Variants in PDS5B observed in about 807,000 individuals in gnomAD.
PDS5B encodes PDS5 cohesin associated factor B.
In PDS5B, 51 loss-of-function variants were observed where a neutral mutation model predicts 184.1. The observed-to-expected ratio is 0.28, with a 90% confidence interval of 0.22 to 0.35. PDS5B has a LOEUF of 0.35. Among genes scored for constraint, PDS5B ranks in the 10% least tolerant of loss-of-function variants. The pLI is 1.00. For synonymous variants in PDS5B, 566 were observed against 569.2 expected (o/e 0.99, Z 0.08); for missense variants, 1,180 against 1,723.3 (o/e 0.68, Z 5.58).
chr13:32,732,793 C>T (rs1011883021), intron 20 of PDS5B, among the ~76,000 whole-genome samples: 1 of 152,090 alleles, frequency 6.6e-6, no homozygotes, highest in Non-Finnish European at 1.5e-5. Context: ...AACACTAACA[C>T]TGTTAGTGCA....
At chr13:32,709,416 C>G (rs540188570) in intron 18 of PDS5B, among the ~76,000 whole-genome samples, 2 of 152,030 alleles carry the variant, frequency 1.3e-5, no homozygotes, top group South Asian at 4.1e-4. Flanking sequence ...TTTATATAAT[C>G]TAATTTTTTA....
At chr13:32,758,294 A>G (rs372079893) in intron 27 of PDS5B, 75 bp downstream of exon 27, 41 of 1,192,284 alleles carry the variant, frequency 3.4e-5, no homozygotes, top group Non-Finnish European at 4.4e-5. Context: ...AAACTTCTGT[A>G]GTATTTATAG....
chr13:32,716,176 A>C (rs1398178965), intron 19 of PDS5B, among the ~76,000 whole-genome samples: 10 of 27,626 alleles, frequency 3.6e-4, no homozygotes, highest in Middle Eastern at 0.016. Flanking sequence ...GATAGTGAGG[A>C]GCGTCTCTGC....
chr13:32,671,973 G>A (rs1438973469), intron 7 of PDS5B, among the ~76,000 whole-genome samples: 2 of 152,168 alleles, frequency 1.3e-5, no homozygotes, highest in East Asian at 1.9e-4. Flanking sequence ...GTTATGCCAT[G>A]CATCTTTGCC....
At chr13:32,738,140 TC>T (rs1953403815) in intron 21 of PDS5B, among the ~76,000 whole-genome samples, 1 of 152,220 alleles carries the variant, frequency 6.6e-6, no homozygotes, top group South Asian at 2.1e-4. Context: ...GTGGAATATT[TC>T]CATTTCTTTA....
chr13:32,757,889 T>C (rs1356671920), intron 26 of PDS5B, among the ~76,000 whole-genome samples, 198 bp from the exon 27 acceptor site: 1 of 152,138 alleles, frequency 6.6e-6, no homozygotes, highest in East Asian at 1.9e-4. Context: ...TAAGCTCATA[T>C]CTGCATTGTT....
intron 1 of PDS5B, among the ~76,000 whole-genome samples, chr13:32,623,487 C>T (rs2058329610): frequency 7.2e-6 from 1 of 138,464 alleles, no homozygotes; most frequent in Non-Finnish European, 1.6e-5. Flanking sequence ...GGACTATTAT[C>T]CTCCTTGCTT....
intron 24 of PDS5B, among the ~76,000 whole-genome samples, chr13:32,748,920 G>T (rs1284489441): frequency 1.3e-5 from 2 of 151,786 alleles, no homozygotes; most frequent in Admixed American, 6.6e-5. Context: ...TTACTTTCTT[G>T]ACCATTCTTA....
In PDS5B at chr13:32,693,253, A is replaced by C. The variant is rs189784935; in HGVS notation, c.1470-970A>C. ...TAGTAACTTTAAATTAGTAAAGTAT[A>C]GCTATTTAAAATATAACTTCTAAGA... On this transcript the variant is annotated intron_variant, in intron 13 of 34. Coordinates refer to ENST00000315596, the MANE Select transcript of PDS5B (RefSeq NM_015032.4). Among the ~76,000 whole-genome samples the C allele has an allele frequency of 8.5e-5, 13 of 152,142 alleles. No individual in the cohort carries two copies. In the East Asian group the frequency reaches 2.5e-3, roughly 29 times the overall value.
chr13:32,628,055 GA>G (rs1337549141), intron 1 of PDS5B, among the ~76,000 whole-genome samples: 1 of 151,842 alleles, frequency 6.6e-6, no homozygotes, highest in Non-Finnish European at 1.5e-5. Flanking sequence ...AGTTTTAAGG[GA>G]AAAAAATGTT....
chr13:32,698,526 C>G (rs553527287), intron 15 of PDS5B, among the ~76,000 whole-genome samples: 2 of 152,200 alleles, frequency 1.3e-5, no homozygotes, highest in South Asian at 4.1e-4. Context: ...ATGTGGTTCT[C>G]TTTCCTTGCA....
intron 21 of PDS5B, among the ~76,000 whole-genome samples, chr13:32,735,713 C>T (rs1296018891): frequency 6.6e-6 from 1 of 152,062 alleles, no homozygotes; most frequent in Non-Finnish European, 1.5e-5. Flanking sequence ...TTGTTCTTTT[C>T]CCTACATTGG....
rs896300935 is a variant in PDS5B, at chr13:32,758,724, C to T, written c.3309+71C>T. 14 of 1,463,462 alleles carry T rather than the reference C, an allele frequency of 9.6e-6. No individual in the cohort carries two copies. In the African/African-American group the frequency reaches 1.7e-4, roughly 18 times the overall value. The allele number at this position is 1,463,462 out of a possible 1,614,324, so 90.7% of individuals were successfully genotyped here. ...TCTCAGCACTGGATTGTAGGAAGATCAGGAAGGATCATGGAAAAATTGCTG... is the reference window on the plus strand; with the variant it reads ...TCTCAGCACTGGATTGTAGGAAGATTAGGAAGGATCATGGAAAAATTGCTG... On this transcript the variant is annotated intron_variant, in intron 28 of 34. Transcript: ENST00000315596.
chr13:32,619,588 A>C (rs1420883352), intron 1 of PDS5B, among the ~76,000 whole-genome samples: 1 of 152,200 alleles, frequency 6.6e-6, no homozygotes, highest in Non-Finnish European at 1.5e-5. Context: ...AGATTTTATA[A>C]ACACTGTACA....
At chr13:32,750,690 T>C (rs4942878) in intron 24 of PDS5B, among the ~76,000 whole-genome samples, 58,817 of 151,712 alleles carry the variant, frequency 0.39, 11,901 homozygotes, top group Non-Finnish European at 0.45. Flanking sequence ...TACAGGTGCC[T>C]GCCACCACAC....
At position 32,666,624 on chromosome 13, in the gene PDS5B, T is replaced by G. The variant is rs139224565; in HGVS notation, c.625-1140T>G. Among the ~76,000 whole-genome samples the G allele has an allele frequency of 4.0e-3, 606 of 152,074 alleles. 5 individuals carry two copies. The highest frequency in any genetic ancestry group is 0.014 in the African/African-American group (580 of 41,506). On this transcript the variant is annotated intron_variant, in intron 6 of 34. Coordinates refer to ENST00000315596, the MANE Select transcript of PDS5B (RefSeq NM_015032.4). ...ATAAAAAAAAAAATGAAAAAAAGTC[T>G]CCATACTTTGACACCATAAATATTG... is the stretch of plus-strand genomic sequence containing the variant.
chr13:32,596,810 C>G (rs979499715), intron 1 of PDS5B, among the ~76,000 whole-genome samples: 1 of 152,066 alleles, frequency 6.6e-6, no homozygotes, highest in Non-Finnish European at 1.5e-5. Context: ...CCTCTTCAAG[C>G]TTTCTGCCCA....
intron 31 of PDS5B, 142 bp from the exon 32 acceptor site, chr13:32,769,979 A>G (rs1954722144): frequency 1.7e-6 from 1 of 587,192 alleles, no homozygotes; most frequent in Non-Finnish European, 2.8e-6. Flanking sequence ...GCAAATAAAT[A>G]CAGTTCTGGT....
chr13:32,692,941 T>A (rs114552183), intron 13 of PDS5B, among the ~76,000 whole-genome samples: 310 of 152,140 alleles, frequency 2.0e-3, no homozygotes, highest in African/African-American at 7.3e-3. Flanking sequence ...TATAATGGGC[T>A]TTAAAATAGC....
Sources: allele counts gnomAD v4.1 joint callset (sites outside exome capture counted in the v4.1 genomes callset), GRCh38; gene constraint gnomAD v4.1.1; transcripts MANE v1.5; gene names NCBI Gene and HGNC (gene_info 2026-07-23, HGNC 2026-07-21).